Variants in HMGCLL1 observed in about 807,000 individuals in gnomAD.
The protein encoded by HMGCLL1 is 3-hydroxymethyl-3-methylglutaryl-CoA lyase, cytoplasmic.
HMGCLL1 carries 36 observed loss-of-function variants against 39.1 expected under a neutral mutation model. That is an observed-to-expected ratio of 0.92 (90% CI 0.71 to 1.22). The LOEUF (loss-of-function observed/expected upper bound fraction) is 1.22. Among genes scored for constraint, HMGCLL1 ranks in the 50% most tolerant of loss-of-function variants. The probability of loss-of-function intolerance (pLI) is 0.00; values close to 1 mark genes in which losing one functional copy is unlikely to be tolerated. For missense variants in HMGCLL1, 451 were observed against 416.5 expected (o/e 1.08, Z -0.72); for synonymous variants, 149 against 144.0 (o/e 1.03, Z -0.25).
the HMGCLL1 span, among the ~76,000 whole-genome samples, chr6:55,626,223 A>T: frequency 6.6e-6 from 1 of 152,120 alleles, no homozygotes; most frequent in African/African-American, 2.4e-5. Context: ...GACACTCCAG[A>T]TATGGGTTTC....
intron 1 of HMGCLL1, among the ~76,000 whole-genome samples, chr6:55,547,696 T>C (rs1770070434): frequency 6.6e-6 from 1 of 151,976 alleles, no homozygotes; most frequent in Admixed American, 6.6e-5. Flanking sequence ...AAAATTAAAT[T>C]AGGCTTTTTA....
At chr6:55,635,521 T>A in the HMGCLL1 span, among the ~76,000 whole-genome samples, 1 of 152,184 alleles carries the variant, frequency 6.6e-6, no homozygotes, top group Non-Finnish European at 1.5e-5. Context: ...TATTCTGTAG[T>A]TGAACAGATT....
At chr6:55,587,296 C>A in the HMGCLL1 span, among the ~76,000 whole-genome samples, 1 of 152,028 alleles carries the variant, frequency 6.6e-6, no homozygotes, top group East Asian at 1.9e-4. Flanking sequence ...GGATATTAGC[C>A]TTTTGTCAGA....
chr6:55,446,971 A>T (rs1177815697), intron 7 of HMGCLL1, among the ~76,000 whole-genome samples: 1 of 152,036 alleles, frequency 6.6e-6, no homozygotes, highest in African/African-American at 2.4e-5. Flanking sequence ...TTAAAATAAA[A>T]TTTCTGAAAG....
intron 1 of HMGCLL1, among the ~76,000 whole-genome samples, chr6:55,568,977 G>A (rs1771343558): frequency 6.6e-6 from 1 of 151,958 alleles, no homozygotes; most frequent in Non-Finnish European, 1.5e-5. Flanking sequence ...AGACTTGGAG[G>A]AGCTCAGAGC....
chr6:55,619,842 C>A, the HMGCLL1 span, among the ~76,000 whole-genome samples: 1 of 152,152 alleles, frequency 6.6e-6, no homozygotes, highest in East Asian at 1.9e-4. Flanking sequence ...CCACACCGCC[C>A]CCGCTCCACT....
At chr6:55,462,267 C>G (rs536317036) in intron 7 of HMGCLL1, among the ~76,000 whole-genome samples, 6 of 152,090 alleles carry the variant, frequency 3.9e-5, no homozygotes, top group Non-Finnish European at 7.4e-5. Flanking sequence ...TCTCTTGGGA[C>G]CTTCCCTTTC....
chr6:55,589,172 C>A, the HMGCLL1 span, among the ~76,000 whole-genome samples: 1 of 152,154 alleles, frequency 6.6e-6, no homozygotes, highest in East Asian at 1.9e-4. Context: ...TACTGGCAAA[C>A]CGAATCCAGC....
rs753190739 is a variant in HMGCLL1, at chr6:55,577,127, A to G, written c.108+1821T>C. The G allele has an allele frequency of 3.7e-6, 6 of 1,610,654 alleles. No individual in the cohort carries two copies. In the Admixed American group the frequency reaches 1.0e-4, roughly 27 times the overall value. Reference sequence around the variant, plus strand: ...TGCCAAGGAGACTGAGAAGCCAGAGACATCGGGCTGAAAGCAGTGAAGGTT... The same window carrying G: ...TGCCAAGGAGACTGAGAAGCCAGAGGCATCGGGCTGAAAGCAGTGAAGGTT... On this transcript the variant is annotated intron_variant, in intron 1 of 8. Coordinates refer to ENST00000274901, the MANE Select transcript of HMGCLL1 (RefSeq NM_001042406.2).
chr6:55,579,234 A>G, upstream of HMGCLL1: 2 of 600,964 alleles, frequency 3.3e-6, no homozygotes, highest in South Asian at 2.0e-5. Context: ...GGGGCGTGGC[A>G]GGTGGCCGCG....
the HMGCLL1 span, among the ~76,000 whole-genome samples, chr6:55,654,025 G>A: frequency 6.6e-6 from 1 of 152,004 alleles, no homozygotes; most frequent in Non-Finnish European, 1.5e-5. Flanking sequence ...TTAATGGTGA[G>A]CATGGCAAGA....
chr6:55,446,143 G>T (rs1268611793), intron 7 of HMGCLL1, among the ~76,000 whole-genome samples: 2 of 151,604 alleles, frequency 1.3e-5, no homozygotes, highest in African/African-American at 4.8e-5. Flanking sequence ...ATATATTTTG[G>T]CTGTTATTGA....
the HMGCLL1 span, among the ~76,000 whole-genome samples, chr6:55,597,378 C>T: frequency 0.096 from 14,649 of 151,994 alleles, 1,047 homozygotes; most frequent in East Asian, 0.3. Flanking sequence ...GATTTATAGA[C>T]GTTTTCTATC....
chr6:55,480,774 T>C (rs769735710), intron 7 of HMGCLL1, among the ~76,000 whole-genome samples: 4 of 151,794 alleles, frequency 2.6e-5, no homozygotes, highest in Non-Finnish European at 4.4e-5. Context: ...ATGTGGTGTA[T>C]AGACACAATG....
the HMGCLL1 span, among the ~76,000 whole-genome samples, chr6:55,619,329 A>G: frequency 6.6e-6 from 1 of 152,160 alleles, no homozygotes; most frequent in South Asian, 2.1e-4. Flanking sequence ...ATTCCTCATA[A>G]AATGGCATCT....
At chr6:55,500,224 G>C (rs1766805442) in intron 5 of HMGCLL1, among the ~76,000 whole-genome samples, 1 of 151,968 alleles carries the variant, frequency 6.6e-6, no homozygotes, top group African/African-American at 2.4e-5. Flanking sequence ...ATTCCAAGTT[G>C]TCTGGACTTT....
the HMGCLL1 span, among the ~76,000 whole-genome samples, chr6:55,666,394 T>C: frequency 5.9e-5 from 9 of 151,660 alleles, no homozygotes; most frequent in African/African-American, 1.9e-4. Flanking sequence ...TACTGTACTT[T>C]GTGAAGTGCC....
chr6:55,533,295 TTATTA>T (rs1260918786), intron 3 of HMGCLL1, among the ~76,000 whole-genome samples: 4 of 151,616 alleles, frequency 2.6e-5, no homozygotes, highest in Non-Finnish European at 5.9e-5. Flanking sequence ...ATATGTACTA[TTATTA>T]TATTATTTTA....
At chr6:55,439,300 C>T (rs1763495596) in intron 8 of HMGCLL1, 134 bp downstream of exon 8, 3 of 786,210 alleles carry the variant, frequency 3.8e-6, no homozygotes, top group Admixed American at 2.7e-5. Flanking sequence ...ATTGCATTTT[C>T]CCACTGTGCA....
Sources: gnomAD v4.1 joint callset for allele counts (sites outside exome capture counted in the v4.1 genomes callset) on GRCh38, gnomAD v4.1.1 for gene constraint, MANE v1.5 for transcripts, NCBI Gene and HGNC (gene_info 2026-07-23, HGNC 2026-07-21) for gene names.